Variants in ERBB4 observed in about 807,000 individuals in gnomAD.
ERBB4 encodes receptor tyrosine-protein kinase erbB-4.
Under a neutral mutation model 158.0 loss-of-function variants are expected in ERBB4, and 42 were observed. The observed-to-expected ratio is 0.27, with a 90% CI of 0.21 to 0.34. The LOEUF (loss-of-function observed/expected upper bound fraction) is 0.34, where lower values mean the gene tolerates loss of function less well. ERBB4 is among the 10% of genes least tolerant of loss of function. The probability of loss-of-function intolerance (pLI) is 1.00; values close to 1 mark genes in which losing one functional copy is unlikely to be tolerated. For synonymous variants in ERBB4, 583 were observed against 558.7 expected (o/e 1.04, Z -0.61); for missense variants, 1,333 against 1,624.1 (o/e 0.82, Z 3.08).
intron 20 of ERBB4, among the ~76,000 whole-genome samples, chr2:211,450,962 T>TA (rs1256578791): frequency 1.3e-5 from 2 of 152,212 alleles, no homozygotes; most frequent in African/African-American, 4.8e-5. Context: ...CGTAAGTGGA[T>TA]AATCAATATT....
chr2:211,831,384 G>A (rs1047898633), intron 3 of ERBB4, among the ~76,000 whole-genome samples: 3 of 152,088 alleles, frequency 2.0e-5, no homozygotes, highest in Admixed American at 6.6e-5. Context: ...GAGCTTTTCA[G>A]GGTCTTGTTA....
chr2:211,652,399 A>T (rs957219085), intron 16 of ERBB4, among the ~76,000 whole-genome samples: 1 of 152,210 alleles, frequency 6.6e-6, no homozygotes, highest in African/African-American at 2.4e-5. Flanking sequence ...GGATCATAAT[A>T]CAACTGCCAC....
At chr2:212,111,780 G>A (rs1395644756) in intron 2 of ERBB4, among the ~76,000 whole-genome samples, 2 of 151,950 alleles carry the variant, frequency 1.3e-5, no homozygotes, top group African/African-American at 4.8e-5. Flanking sequence ...TAGGTACTGG[G>A]GATATAAAGA....
At chr2:211,574,518 CTTA>C (rs985235537) in intron 19 of ERBB4, among the ~76,000 whole-genome samples, 5 of 152,122 alleles carry the variant, frequency 3.3e-5, no homozygotes, top group Non-Finnish European at 5.9e-5. Context: ...TTACAGTTTA[CTTA>C]TTAATCTTAC....
intron 19 of ERBB4, among the ~76,000 whole-genome samples, chr2:211,568,556 T>C (rs2067620787): frequency 6.6e-6 from 1 of 152,178 alleles, no homozygotes; most frequent in Non-Finnish European, 1.5e-5. Context: ...TTATAGGCTA[T>C]TCTGTTTTTA....
At chr2:212,460,962 G>A (rs1219359265) in intron 1 of ERBB4, among the ~76,000 whole-genome samples, 2 of 152,204 alleles carry the variant, frequency 1.3e-5, no homozygotes, top group East Asian at 1.9e-4. Context: ...TTGCAGCCTA[G>A]GGAGTTGGTG....
intron 3 of ERBB4, among the ~76,000 whole-genome samples, chr2:211,818,718 C>A (rs1055213355): frequency 2.6e-5 from 4 of 151,998 alleles, no homozygotes; most frequent in Non-Finnish European, 4.4e-5. Flanking sequence ...TAACTTGAAA[C>A]TATTTTTTCA....
intron 1 of ERBB4, among the ~76,000 whole-genome samples, chr2:212,358,978 T>C (rs1385756106): frequency 6.6e-6 from 1 of 151,824 alleles, no homozygotes; most frequent in Non-Finnish European, 1.5e-5. Context: ...TAAATTATTC[T>C]ATTTCAGCTA....
chr2:211,578,193 C>T lies in ERBB4; in HGVS notation c.2302-16105G>A, dbSNP rs185971959. On this transcript the variant is annotated intron_variant, in intron 19 of 27. Transcript: ENST00000342788. ...CAGAGAGCCAAATTATGAATGAACTCCCATTCACAATTGCTACAAACAGAA... is the reference window on the plus strand; with the variant it reads ...CAGAGAGCCAAATTATGAATGAACTTCCATTCACAATTGCTACAAACAGAA... Among the ~76,000 whole-genome samples, 9 of 152,188 alleles carry T rather than the reference C, an allele frequency of 5.9e-5. No individual in the cohort carries two copies. In the East Asian group the frequency reaches 1.2e-3, roughly 20 times the overall value.
At chr2:212,233,499 C>A (rs2105989310) in intron 1 of ERBB4, among the ~76,000 whole-genome samples, 1 of 152,106 alleles carries the variant, frequency 6.6e-6, no homozygotes, top group African/African-American at 2.4e-5. Context: ...TATGGAAAGG[C>A]AAATATAACC....
chr2:211,625,785 T>G (rs2069820643), intron 17 of ERBB4, among the ~76,000 whole-genome samples: 1 of 152,124 alleles, frequency 6.6e-6, no homozygotes, highest in South Asian at 2.1e-4. Flanking sequence ...AAAAGTTACA[T>G]AAAATCACAC....
At chr2:211,682,016 AG>A (rs2105968763) in intron 12 of ERBB4, among the ~76,000 whole-genome samples, 1 of 151,584 alleles carries the variant, frequency 6.6e-6, no homozygotes, top group South Asian at 2.1e-4. Flanking sequence ...ATGGTTCTCC[AG>A]AAAACCAGAA....
At chr2:212,485,958 T>C (rs1330182609) in intron 1 of ERBB4, among the ~76,000 whole-genome samples, 3 of 151,850 alleles carry the variant, frequency 2.0e-5, no homozygotes, top group Admixed American at 6.6e-5. Flanking sequence ...ACTGCCTCAG[T>C]AATTAGGTTT....
intron 1 of ERBB4, among the ~76,000 whole-genome samples, chr2:212,300,481 G>A (rs12466595): frequency 0.85 from 128,711 of 151,466 alleles, 56,325 homozygotes; most frequent in Middle Eastern, 0.97. Context: ...AGAGTAGTAC[G>A]TCTGAATTTT....
At chr2:211,597,048 G>A (rs982604415) in intron 19 of ERBB4, among the ~76,000 whole-genome samples, 5 of 152,096 alleles carry the variant, frequency 3.3e-5, no homozygotes, top group Non-Finnish European at 7.3e-5. Context: ...ATACAAGCAT[G>A]AGCCACTGCA....
At chr2:212,003,755 T>C (rs1297726733) in intron 2 of ERBB4, among the ~76,000 whole-genome samples, 2 of 152,204 alleles carry the variant, frequency 1.3e-5, no homozygotes, top group East Asian at 3.8e-4. Context: ...CAGTCCAGAA[T>C]GTTCCCATGA....
At chr2:211,575,758 T>C (rs959415654) in intron 19 of ERBB4, among the ~76,000 whole-genome samples, 1 of 152,158 alleles carries the variant, frequency 6.6e-6, no homozygotes, top group Non-Finnish European at 1.5e-5. Context: ...ATACCTGTGG[T>C]AAAGGAGCAG....
At chr2:212,283,454 T>A (rs10164863) in intron 1 of ERBB4, among the ~76,000 whole-genome samples, 1 of 151,780 alleles carries the variant, frequency 6.6e-6, no homozygotes, top group East Asian at 1.9e-4. Context: ...TTGTTATAAT[T>A]AAAAGTTTAT....
intron 19 of ERBB4, among the ~76,000 whole-genome samples, chr2:211,580,751 A>T (rs2068042903): frequency 7.1e-6 from 1 of 141,098 alleles, no homozygotes; most frequent in Non-Finnish European, 1.5e-5. Context: ...AACCAACCCA[A>T]ATCCCCATCA....
Sources: allele counts gnomAD v4.1 joint callset (sites outside exome capture counted in the v4.1 genomes callset), GRCh38; gene constraint gnomAD v4.1.1; transcripts MANE v1.5; gene names NCBI Gene and HGNC (gene_info 2026-07-23, HGNC 2026-07-21).